MVP: variants seen among roughly 807,000 people sequenced by gnomAD.
MVP encodes major vault protein.
MVP carries 62 observed loss-of-function variants against 83.5 expected under a neutral mutation model. That is an observed-to-expected ratio of 0.74 (90% CI 0.61 to 0.92). The LOEUF is 0.92. MVP is among the 40% of genes least tolerant of loss of function. The pLI is 0.00. For synonymous variants in MVP, 505 were observed against 504.1 expected (o/e 1.00, Z -0.02); for missense variants, 1,000 against 1,203.4 (o/e 0.83, Z 2.50).
chr16:29,830,497 G>A lies in MVP; in HGVS notation c.-35-18G>A, dbSNP rs902154128. On this transcript the variant is annotated intron_variant, in intron 1 of 14. Coordinates refer to ENST00000357402, the MANE Select transcript of MVP (RefSeq NM_005115.5). ...AGGCTCCCCAGGTTCATCCTGTGTC[G>A]TCTCCCCCACCTACCAGTCATCTTC... The A allele has an allele frequency of 3.4e-5, 54 of 1,596,974 alleles. No individual in the cohort carries two copies. The highest frequency in any genetic ancestry group is 1.5e-4 in the Admixed American group (9 of 58,826).
At chr16:29,824,292 C>T (rs975670497) in intron 1 of MVP, among the ~76,000 whole-genome samples, 1 of 148,982 alleles carries the variant, frequency 6.7e-6, no homozygotes, top group Non-Finnish European at 1.5e-5. Flanking sequence ...CTGCTTTAGA[C>T]CAGAGCTGCT....
chr16:29,845,740 G>A lies in MVP; in HGVS notation c.2022-123G>A. On this transcript the variant is annotated intron_variant, in intron 11 of 14. Coordinates refer to ENST00000357402, the MANE Select transcript of MVP (RefSeq NM_005115.5). ...ACCATTCTGGGTTGAGTTGCGTATT[G>A]GGTGCCTTCTAGGGGCTGGGGTCTG... The A allele has an allele frequency of 4.2e-6, 3 of 714,622 alleles. No homozygotes were observed. In the South Asian group the frequency reaches 5.5e-5, roughly 13 times the overall value. The allele number at this position is 714,622 out of a possible 1,614,324, so 44.3% of individuals were successfully genotyped here. A position where few individuals can be genotyped will look rare whatever the true frequency, so the allele number is the denominator to read the frequency against.
At chr16:29,836,603 A>T in intron 6 of MVP, 119 bp from the exon 7 acceptor site, 5 of 741,534 alleles carry the variant, frequency 6.7e-6, no homozygotes, top group Admixed American at 2.7e-5. Context: ...CAATCCCTGG[A>T]TTGGTAGAAA....
intron 1 of MVP, chr16:29,830,233 G>A: frequency 3.9e-6 from 1 of 256,036 alleles, no homozygotes; most frequent in Non-Finnish European, 7.7e-6. Context: ...GTAGGGGGAA[G>A]TAGTTGATGG....
rs2067438160 is a variant in MVP at position 29,831,036 on chromosome 16, AC to A, written c.288del (p.Phe97SerfsTer27). ...HADLEIRLAQ[D>X]PFPLYPGEVL... is the part of the protein sequence containing the mutation. ...GACCTCGAGATCCGGCTGGCCCAGG[AC>A]CCCTTCCCCCTGTACCCAGGGGAGG... On this transcript the variant is annotated frameshift_variant, in exon 3 of 15. Transcript: ENST00000357402. LOFTEE classifies it high-confidence loss of function. The A allele has an allele frequency of 1.2e-6, 2 of 1,612,652 alleles. No homozygotes were observed. Among genetic ancestry groups the A allele is most frequent in the African/African-American group, 2.7e-5 (2 of 74,558 alleles).
chr16:29,844,437 A>G, intron 10 of MVP, 56 bp from the exon 11 acceptor site: 1 of 1,512,950 alleles, frequency 6.6e-7, no homozygotes, highest in South Asian at 1.4e-5. Flanking sequence ...TGTCTCTTCT[A>G]AAGAGAGATT....
rs578210287 is a variant in MVP at position 29,842,601 on chromosome 16, G to C, written c.1634+489G>C. 2.0e-5 allele frequency among the ~76,000 whole-genome samples: 3 copies of C among 152,200 alleles called. No individual in the cohort carries two copies. In the South Asian group the frequency reaches 6.2e-4, roughly 32 times the overall value. ...ATTACAGGCATGAGCCACTGCACCC[G>C]GTCAACCCTGTTTCAAAACAAAAAA... On this transcript the variant is annotated intron_variant, in intron 10 of 14. Coordinates refer to ENST00000357402, the MANE Select transcript of MVP (RefSeq NM_005115.5).
Position 29,841,361 on chromosome 16 carries a change from C to A in MVP, c.1192-235C>A, listed in dbSNP as rs1163013478. Among the ~76,000 whole-genome samples the A allele has an allele frequency of 1.3e-5, 2 of 152,168 alleles. No homozygotes were observed. Among genetic ancestry groups the A allele is most frequent in the East Asian group, 3.9e-4 (2 of 5,192 alleles). Reference sequence around the variant, plus strand: ...TTCACCCCTAGACCCTGCAAGGTAGCCACCGTCAAGTCCACTTGACACATG... The same window carrying A: ...TTCACCCCTAGACCCTGCAAGGTAGACACCGTCAAGTCCACTTGACACATG... On this transcript the variant is annotated intron_variant, in intron 8 of 14. Coordinates refer to ENST00000357402, the MANE Select transcript of MVP (RefSeq NM_005115.5). The surrounding 1 kb of genome is among the most constrained non-coding windows in gnomAD (Gnocchi z 4.7).
At chr16:29,823,681 ATCTC>A (rs2067381991) in intron 1 of MVP, among the ~76,000 whole-genome samples, 3 of 151,826 alleles carry the variant, frequency 2.0e-5, no homozygotes, top group Admixed American at 2.0e-4. Flanking sequence ...GTGAAACCCC[ATCTC>A]TACTAAAAAT....
intron 1 of MVP, chr16:29,821,253 G>C (rs1348260101): frequency 6.6e-6 from 1 of 152,358 alleles, no homozygotes; most frequent in Admixed American, 6.5e-5. Context: ...GGTAGCCCCT[G>C]GGTGATGGGG....
In MVP at chr16:29,836,694, C is replaced by T. The variant is rs2067489782; in HGVS notation, c.673-28C>T. The T allele has an allele frequency of 3.9e-6, 6 of 1,523,188 alleles. No homozygotes were observed. The South Asian group carries it at 5.2e-5, about 13-fold the overall frequency. 94.4% of individuals were successfully genotyped at this position (1,523,188 alleles called of 1,614,324 possible). ...ATCCCCTGAAGTTGGAGGCAGGTCA[C>T]TCAAATACCCAACATGTTGCTCTGC... On this transcript the variant is annotated intron_variant, in intron 6 of 14. Coordinates refer to ENST00000357402, the MANE Select transcript of MVP (RefSeq NM_005115.5).
rs1236666218 is a variant in MVP, at chr16:29,844,926, C to T, written c.2021+47C>T. 4 of 1,558,958 alleles carry T rather than the reference C, an allele frequency of 2.6e-6. No homozygotes were observed. In the South Asian group the frequency reaches 3.6e-5, roughly 14 times the overall value. ...GCTGCCTATAATGCCCATGGCAGGC[C>T]ACTGCTGGGAACTGGATAACCTGGC... On this transcript the variant is annotated intron_variant, in intron 11 of 14. Transcript: ENST00000357402.
intron 3 of MVP, chr16:29,833,446 G>A (rs998374010): frequency 5.0e-5 from 16 of 317,446 alleles, no homozygotes; most frequent in South Asian, 1.4e-4. Context: ...ACAGGTGTGC[G>A]CCGCCACCAT....
In MVP at chr16:29,845,914, G is replaced by A; in HGVS notation, c.2073G>A (p.Gln691=). ...EQEARGRLER[Q]KILDQSEAEK... ...AAGCCCGCGGCCGGCTTGAGCGGCAGAAGATCCTGGACCAGTCAGAAGCCG... is the reference window on the plus strand; with the variant it reads ...AAGCCCGCGGCCGGCTTGAGCGGCAAAAGATCCTGGACCAGTCAGAAGCCG... Residue 691 remains glutamine, a synonymous_variant, in exon 12 of 15, where the codon CAG becomes CAA. Coordinates refer to ENST00000357402, the MANE Select transcript of MVP (RefSeq NM_005115.5). 3.7e-6 allele frequency: 6 copies of A among 1,614,210 alleles called. No homozygotes were observed. In the South Asian group the frequency reaches 5.5e-5, roughly 15 times the overall value.
chr16:29,840,203 C>T lies in MVP; in HGVS notation c.935C>T (p.Pro312Leu), dbSNP rs1318060864. 2.5e-6 allele frequency: 4 copies of T among 1,611,484 alleles called. No individual in the cohort carries two copies. Among genetic ancestry groups the T allele is most frequent in the South Asian group, 2.2e-5 (2 of 90,986 alleles). Residue 312 changes from proline (P) to leucine (L), a missense_variant, in exon 8 of 15, where the codon CCA becomes CTA. Physicochemically the swap from Pro to Leu is moderately conservative, Grantham distance 98. Transcript: ENST00000357402. Reference protein sequence around the residue: ...VKGEKSFFLQPGEQLEQGIQD... With the variant: ...VKGEKSFFLQLGEQLEQGIQD... ...GGAGAGAAGTCTTTTTTCCTCCAGC[C>T]AGGAGAGCAGCTGGAACAAGGCATC... is the stretch of plus-strand genomic sequence containing the variant.
At chr16:29,833,508 T>A in intron 3 of MVP, 1 of 317,700 alleles carries the variant, frequency 3.1e-6, no homozygotes, top group Non-Finnish European at 5.7e-6. Flanking sequence ...GGGATCTTGC[T>A]ATGTTGCCCA....
Position 29,834,032 on chromosome 16 carries a change from G to T in MVP, c.543G>T (p.Glu181Asp), listed in dbSNP as rs202194007. The change falls in exon 5 of 15, where the codon GAG becomes GAT. Residue 181 changes from glutamate (E) to aspartate (D), a missense_variant. Glu to Asp is a conservative substitution (Grantham distance 45). Transcript: ENST00000357402. Reference protein sequence around the residue: ...NQALRLRARKECWDRDGKERV... With the variant: ...NQALRLRARKDCWDRDGKERV... The stretch of plus-strand genomic sequence containing the variant: ...CTCTGCGGCTCAGGGCCCGCAAGGA[G>T]TGCTGGGACCGGGACGGCAAGGAGA... 1.2e-6 allele frequency: 2 copies of T among 1,613,964 alleles called. No homozygotes were observed. Among genetic ancestry groups the T allele is most frequent in the Non-Finnish European group, 8.5e-7 (1 of 1,179,978 alleles).
chr16:29,824,756 AAAC>A (rs1263275656), intron 1 of MVP, among the ~76,000 whole-genome samples: 1 of 152,178 alleles, frequency 6.6e-6, no homozygotes, highest in Non-Finnish European at 1.5e-5. Flanking sequence ...TCTCCAAAAA[AAAC>A]AAAAAAGAGA....
intron 1 of MVP, among the ~76,000 whole-genome samples, chr16:29,829,147 G>A (rs2067423543): frequency 6.8e-6 from 1 of 147,766 alleles, no homozygotes; most frequent in African/African-American, 2.5e-5. Flanking sequence ...ATGAGCCACT[G>A]CACCTGTCCT....
Sources: allele counts gnomAD v4.1 joint callset (sites outside exome capture counted in the v4.1 genomes callset), GRCh38; gene constraint gnomAD v4.1.1; non-coding constraint Gnocchi (gnomAD v3.1); transcripts MANE v1.5; gene names NCBI Gene and HGNC (gene_info 2026-07-23, HGNC 2026-07-21).